The following HMGA2 variants were observed in gnomAD, a reference collection of about 807,000 sequenced individuals.
HMGA2 encodes high mobility group protein HMGI-C.
Under a neutral mutation model 19.1 loss-of-function variants are expected in HMGA2, and 8 were observed. The observed-to-expected ratio is 0.42, with a 90% confidence interval of 0.25 to 0.76. The LOEUF is 0.76. HMGA2 is among the 30% of genes least tolerant of loss of function. HMGA2 has a pLI of 0.28. For missense variants in HMGA2, 109 were observed against 136.3 expected (o/e 0.80, Z 1.00); for synonymous variants, 60 against 48.8 (o/e 1.23, Z -0.96).
At chr12:65,949,769 G>A (rs1203708701) in intron 3 of HMGA2, among the ~76,000 whole-genome samples, 7 of 152,114 alleles carry the variant, frequency 4.6e-5, no homozygotes, top group African/African-American at 1.7e-4. Context: ...ATGATACCAC[G>A]AAGAAACTGA....
chr12:65,841,465 A>G lies in HMGA2; in HGVS notation c.249+2896A>G, dbSNP rs564885573. Among the ~76,000 whole-genome samples, 7 of 152,358 alleles carry G rather than the reference A, an allele frequency of 4.6e-5. No individual in the cohort carries two copies. The South Asian group carries it at 1.5e-3, about 32-fold the overall frequency. ...GACAGTGTGTTTCCTCTTTGCTTGTATATCTTCTGTTGGGTAGAGTATGCA... is the reference window on the plus strand; with the variant it reads ...GACAGTGTGTTTCCTCTTTGCTTGTGTATCTTCTGTTGGGTAGAGTATGCA... On this transcript the variant is annotated intron_variant, in intron 3 of 4. Coordinates refer to ENST00000403681, the MANE Select transcript of HMGA2 (RefSeq NM_003483.6).
chr12:65,964,339 CTT>C lies in HMGA2; in HGVS notation c.*1048_*1049del, dbSNP rs10573247. The C allele has an allele frequency of 0.22, 47,675 of 217,654 alleles. 7,424 individuals carry two copies. Among genetic ancestry groups the C allele is most frequent in the East Asian group, 0.69 (9,810 of 14,186 alleles). The allele number at this position is 217,654 out of a possible 1,614,324, so 13.5% of individuals were successfully genotyped here. A position where few individuals can be genotyped will look rare whatever the true frequency, so the allele number is the denominator to read the frequency against. Reference sequence around the variant, plus strand: ...TCTCTCTGTGTCTTTCTCTCTCTCTCTTCCTCTCCCTCTCTCTTTTCATTGTG... The same window carrying C: ...TCTCTCTGTGTCTTTCTCTCTCTCTCCCTCTCCCTCTCTCTTTTCATTGTG... On this transcript the variant is annotated 3_prime_UTR_variant, in exon 5 of 5. Transcript: ENST00000403681.
At chr12:65,949,069 T>A (rs1281483256) in intron 3 of HMGA2, among the ~76,000 whole-genome samples, 1 of 152,146 alleles carries the variant, frequency 6.6e-6, no homozygotes. Flanking sequence ...CCTTTGGAAA[T>A]GAATCCTCTA....
rs536069036 is a variant in HMGA2 at position 65,901,072 on chromosome 12, G to C, written c.250-50311G>C. Reference sequence around the variant, plus strand: ...GTATGCCACCTCCCATTTCTTTCCAGCTCTGTGTTTAGTGATGACACGTTG... The same window carrying C: ...GTATGCCACCTCCCATTTCTTTCCACCTCTGTGTTTAGTGATGACACGTTG... On this transcript the variant is annotated intron_variant, in intron 3 of 4. Coordinates refer to ENST00000403681, the MANE Select transcript of HMGA2 (RefSeq NM_003483.6). Among the ~76,000 whole-genome samples the C allele has an allele frequency of 4.6e-4, 70 of 152,176 alleles. 1 individual carries two copies. In the South Asian group the frequency reaches 0.014, roughly 31 times the overall value.
chr12:65,940,704 TG>T (rs1170556159), intron 3 of HMGA2, among the ~76,000 whole-genome samples: 1 of 152,142 alleles, frequency 6.6e-6, no homozygotes, highest in African/African-American at 2.4e-5. Flanking sequence ...GGGAAAAAGA[TG>T]TGGAGCTATA....
intron 2 of HMGA2, among the ~76,000 whole-genome samples, chr12:65,831,640 T>C (rs1870483704): frequency 6.6e-6 from 1 of 151,822 alleles, no homozygotes; most frequent in African/African-American, 2.4e-5. Flanking sequence ...CTATGTTTGA[T>C]TTGCTATAAA....
intron 3 of HMGA2, among the ~76,000 whole-genome samples, chr12:65,839,740 C>T (rs1227435590): frequency 6.6e-6 from 1 of 152,122 alleles, no homozygotes; most frequent in East Asian, 1.9e-4. Flanking sequence ...TAAATTAGTT[C>T]TCTCCAAACC....
intron 3 of HMGA2, among the ~76,000 whole-genome samples, chr12:65,862,276 T>TACACACACACACACAC (rs34442419): frequency 4.1e-4 from 59 of 144,650 alleles, no homozygotes; most frequent in African/African-American, 1.5e-3. Flanking sequence ...AAATGCACCA[T>TACACACACACACACAC]ACACACACAC....
At chr12:65,938,290 C>T (rs1032523171) in intron 3 of HMGA2, among the ~76,000 whole-genome samples, 1 of 152,144 alleles carries the variant, frequency 6.6e-6, no homozygotes, top group Non-Finnish European at 1.5e-5. Flanking sequence ...CATCTCCAGG[C>T]TTTTTGTTAT....
intron 2 of HMGA2, among the ~76,000 whole-genome samples, chr12:65,833,805 TA>T (rs111739096): frequency 8.5e-4 from 130 of 152,308 alleles, no homozygotes; most frequent in Middle Eastern, 3.4e-3. Context: ...CTCCCATTTG[TA>T]AAACGGGAAG....
chr12:65,897,604 G>C (rs1223251659), intron 3 of HMGA2, among the ~76,000 whole-genome samples: 1 of 152,210 alleles, frequency 6.6e-6, no homozygotes, highest in Non-Finnish European at 1.5e-5. Flanking sequence ...CGATTTAAAA[G>C]TCAAAAGGAA....
intron 3 of HMGA2, chr12:65,915,525 G>A: frequency 8.6e-7 from 1 of 1,168,624 alleles, no homozygotes; most frequent in Non-Finnish European, 1.1e-6. Flanking sequence ...TGCTTAAAAA[G>A]TATTCACTGT....
intron 2 of HMGA2, among the ~76,000 whole-genome samples, chr12:65,834,968 T>C (rs1469922052): frequency 6.6e-6 from 1 of 152,198 alleles, no homozygotes; most frequent in Non-Finnish European, 1.5e-5. Context: ...TTTAATGAGA[T>C]ATGATTGTTG....
chr12:65,962,833 C>T lies in HMGA2; in HGVS notation c.283-412C>T, dbSNP rs933300983. Among the ~76,000 whole-genome samples, 4 of 152,084 alleles carry T rather than the reference C, an allele frequency of 2.6e-5. No individual in the cohort carries two copies. The East Asian group carries it at 5.8e-4, about 22-fold the overall frequency. ...TATCTGGAGGGTGGGTTCATTTATA[C>T]CTTAAGAAAGGATCCCCCTAACTCT... is the stretch of plus-strand genomic sequence containing the variant. On this transcript the variant is annotated intron_variant, in intron 4 of 4. Coordinates refer to ENST00000403681, the MANE Select transcript of HMGA2 (RefSeq NM_003483.6).
chr12:65,920,514 G>A (rs568573560), intron 3 of HMGA2, among the ~76,000 whole-genome samples: 3 of 152,274 alleles, frequency 2.0e-5, no homozygotes, highest in South Asian at 4.2e-4. Context: ...AACTCGAATT[G>A]TATCTCCCAG....
chr12:65,855,679 T>C (rs1455102090), intron 3 of HMGA2, among the ~76,000 whole-genome samples: 1 of 150,956 alleles, frequency 6.6e-6, no homozygotes, highest in Non-Finnish European at 1.5e-5. Flanking sequence ...TCTGAGTGTT[T>C]GTTTAGGTAA....
intron 3 of HMGA2, among the ~76,000 whole-genome samples, chr12:65,870,306 A>G (rs1872646677): frequency 6.6e-6 from 1 of 152,194 alleles, no homozygotes; most frequent in Non-Finnish European, 1.5e-5. Flanking sequence ...TTTTCGAAAT[A>G]TTTTTGCCAA....
intron 3 of HMGA2, among the ~76,000 whole-genome samples, chr12:65,907,106 A>G (rs763690896): frequency 3.3e-5 from 5 of 152,052 alleles, no homozygotes; most frequent in Non-Finnish European, 5.9e-5. Context: ...AACTTCAATT[A>G]AAAGGGGTTG....
intron 3 of HMGA2, among the ~76,000 whole-genome samples, chr12:65,922,192 C>T (rs1875339848): frequency 6.6e-6 from 1 of 152,150 alleles, no homozygotes; most frequent in African/African-American, 2.4e-5. Context: ...ATCCCCCAGG[C>T]CCCAGAATGG....
Sources: gnomAD v4.1 joint callset for allele counts (sites outside exome capture counted in the v4.1 genomes callset) on GRCh38, gnomAD v4.1.1 for gene constraint, MANE v1.5 for transcripts, NCBI Gene and HGNC (gene_info 2026-07-23, HGNC 2026-07-21) for gene names.